Variants in COL10A1 observed in about 807,000 individuals in gnomAD.
The protein encoded by COL10A1 is collagen alpha-1(X) chain.
In COL10A1, 10 loss-of-function variants were observed where a neutral mutation model predicts 18.2. The observed-to-expected ratio is 0.55, with a 90% CI of 0.34 to 0.93. The LOEUF (loss-of-function observed/expected upper bound fraction) is 0.93. Ranked by LOEUF, COL10A1 falls within the 40% of genes least tolerant of loss-of-function variation. COL10A1 has a pLI of 0.02. For missense variants in COL10A1, 897 were observed against 853.5 expected (o/e 1.05, Z -0.64); for synonymous variants, 330 against 316.6 (o/e 1.04, Z -0.45).
the COL10A1 span, among the ~76,000 whole-genome samples, chr6:116,181,183 A>T: frequency 6.6e-6 from 1 of 152,030 alleles, no homozygotes. Context: ...CTACTGTTAC[A>T]TGTGTCTGAA....
At chr6:116,199,187 C>A in the COL10A1 span, among the ~76,000 whole-genome samples, 1 of 152,042 alleles carries the variant, frequency 6.6e-6, no homozygotes, top group Non-Finnish European at 1.5e-5. Flanking sequence ...AAGACAGACT[C>A]TCCAGTTGTT....
chr6:116,171,059 C>G, the COL10A1 span, among the ~76,000 whole-genome samples: 1 of 152,102 alleles, frequency 6.6e-6, no homozygotes, highest in Non-Finnish European at 1.5e-5. Flanking sequence ...TCTGTTTTTA[C>G]TGGCCTGTAA....
chr6:116,120,882 G>C lies in COL10A1; in HGVS notation c.1234C>G (p.Pro412Ala). The change falls in exon 3 of 3, where the codon CCT becomes GCT. Residue 412 changes from proline to alanine, a missense_variant. Coordinates refer to ENST00000651968, the MANE Select transcript of COL10A1 (RefSeq NM_000493.4). ...AGACCAGGAGGTCCTCCAACTCCAG[G>C]ATCACCTTTTGGACCTGGTAACCCT... ...NPGLPGPKGD[P>A]GVGGPPGLPG... 2 of 1,613,870 alleles carry C rather than the reference G, an allele frequency of 1.2e-6. No homozygotes were observed. Among genetic ancestry groups the C allele is most frequent in the Non-Finnish European group, 1.7e-6 (2 of 1,179,896 alleles).
intron 1 of COL10A1, chr6:116,137,103 TTGA>T (rs759738057): frequency 8.3e-5 from 18 of 216,960 alleles, no homozygotes; most frequent in Non-Finnish European, 1.8e-4. Context: ...CAGTGTTTGC[TTGA>T]TGAAATACCA....
At chr6:116,168,785 A>G in the COL10A1 span, among the ~76,000 whole-genome samples, 3 of 152,148 alleles carry the variant, frequency 2.0e-5, no homozygotes, top group Admixed American at 2.0e-4. Flanking sequence ...GTTGAGGTCT[A>G]GGATAACTTT....
the COL10A1 span, among the ~76,000 whole-genome samples, chr6:116,196,569 T>A: frequency 6.6e-6 from 1 of 152,082 alleles, no homozygotes; most frequent in Non-Finnish European, 1.5e-5. Flanking sequence ...TATTTGGATG[T>A]TATTTTATCA....
upstream of COL10A1, among the ~76,000 whole-genome samples, chr6:116,162,113 G>A (rs1476656950): frequency 2.0e-5 from 3 of 151,986 alleles, no homozygotes. Flanking sequence ...AACTGATTAT[G>A]GTGTGTTAAT....
At chr6:116,210,243 A>C in the COL10A1 span, among the ~76,000 whole-genome samples, 5 of 152,030 alleles carry the variant, frequency 3.3e-5, no homozygotes, top group Non-Finnish European at 5.9e-5. Flanking sequence ...ATTTTAAATA[A>C]ATTTATATGT....
At chr6:116,216,420 C>T in the COL10A1 span, among the ~76,000 whole-genome samples, 1 of 151,454 alleles carries the variant, frequency 6.6e-6, no homozygotes, top group Admixed American at 6.6e-5. Context: ...TGTTGTGGCC[C>T]TACCCCAAAA....
At chr6:116,159,748 A>G (rs942963778), upstream of COL10A1, among the ~76,000 whole-genome samples, 7 of 152,226 alleles carry the variant, frequency 4.6e-5, no homozygotes, top group Non-Finnish European at 8.8e-5. Flanking sequence ...CACTGTACCA[A>G]GTAAGTAACT....
the COL10A1 span, among the ~76,000 whole-genome samples, chr6:116,175,826 A>T: frequency 2.0e-5 from 3 of 152,012 alleles, no homozygotes; most frequent in Non-Finnish European, 4.4e-5. Flanking sequence ...TATCCTTTTC[A>T]CTAGATCCTT....
chr6:116,200,067 C>T, the COL10A1 span, among the ~76,000 whole-genome samples: 1 of 151,736 alleles, frequency 6.6e-6, no homozygotes, highest in Non-Finnish European at 1.5e-5. Flanking sequence ...TCATCCAGGT[C>T]AACATCAACA....
At chr6:116,205,105 A>G in the COL10A1 span, among the ~76,000 whole-genome samples, 1 of 152,106 alleles carries the variant, frequency 6.6e-6, no homozygotes, top group South Asian at 2.1e-4. Flanking sequence ...ATGGGTTCTT[A>G]GTTTCTGTTT....
intron 1 of COL10A1, chr6:116,145,611 T>C: frequency 5.7e-6 from 1 of 173,978 alleles, no homozygotes; most frequent in South Asian, 1.1e-4. Context: ...TTTGTTTTTT[T>C]ACTAATGTTA....
In COL10A1 at chr6:116,120,353, A is replaced by G. The variant is rs748900396; in HGVS notation, c.1763T>C (p.Ile588Thr). Residue 588 changes from isoleucine to threonine, a missense_variant, in exon 3 of 3, where the codon ATC becomes ACC. Physicochemically the swap from Ile to Thr is moderately conservative, Grantham distance 89. Coordinates refer to ENST00000651968, the MANE Select transcript of COL10A1 (RefSeq NM_000493.4). ...TATTCCTGGTATCTGACAAGTAAAG[A>G]TTCCAGTCCTTGGGTCATAATGCTG... ...RQQHYDPRTG[I>T]FTCQIPGIYY... The G allele has an allele frequency of 5.0e-6, 8 of 1,614,268 alleles. No individual in the cohort carries two copies. The highest frequency in any genetic ancestry group is 6.8e-6 in the Non-Finnish European group (8 of 1,180,050).
At chr6:116,172,614 CA>C in the COL10A1 span, among the ~76,000 whole-genome samples, 1 of 152,116 alleles carries the variant, frequency 6.6e-6, no homozygotes, top group Admixed American at 6.5e-5. Context: ...GCCACCGCGC[CA>C]GGCCACACCT....
At chr6:116,155,633 A>G (rs1209560432) in intron 1 of COL10A1, among the ~76,000 whole-genome samples, 5 of 151,982 alleles carry the variant, frequency 3.3e-5, no homozygotes, top group African/African-American at 1.2e-4. Context: ...GAGTGAGGTT[A>G]CTCCATTACA....
chr6:116,139,373 A>G (rs558811167), intron 1 of COL10A1, among the ~76,000 whole-genome samples: 1 of 152,292 alleles, frequency 6.6e-6, no homozygotes, highest in African/African-American at 2.4e-5. Flanking sequence ...TTTGAATAAT[A>G]CAGTCTAAAG....
At chr6:116,168,691 T>C in the COL10A1 span, among the ~76,000 whole-genome samples, 77,132 of 151,646 alleles carry the variant, frequency 0.51, 20,704 homozygotes, top group African/African-American at 0.69. Context: ...TTATTGATAC[T>C]AGCTATTGTT....
Sources: gnomAD v4.1 joint callset for allele counts (sites outside exome capture counted in the v4.1 genomes callset) on GRCh38, gnomAD v4.1.1 for gene constraint, MANE v1.5 for transcripts, NCBI Gene and HGNC (gene_info 2026-07-23, HGNC 2026-07-21) for gene names.